TACR1: variants seen among roughly 807,000 people sequenced by gnomAD.
TACR1 encodes substance-P receptor.
In TACR1, 25 loss-of-function variants were observed where a neutral mutation model predicts 35.8. The ratio of observed to expected loss-of-function variants is 0.70; its 90% CI spans 0.51 to 0.98. The LOEUF (loss-of-function observed/expected upper bound fraction) is 0.98, where lower values mean the gene tolerates loss of function less well. TACR1 is among the 50% of genes least tolerant of loss of function. The pLI, the probability that TACR1 is intolerant of heterozygous loss-of-function variation, is 0.00. For missense variants in TACR1, 478 were observed against 522.9 expected (o/e 0.91, Z 0.84); for synonymous variants, 195 against 206.7 (o/e 0.94, Z 0.48).
intron 2 of TACR1, among the ~76,000 whole-genome samples, chr2:75,057,995 A>G (rs916305626): frequency 6.6e-6 from 1 of 152,188 alleles, no homozygotes; most frequent in African/African-American, 2.4e-5. Flanking sequence ...TCCCCCAGGC[A>G]CTTGACAACT....
chr2:75,071,264 CATT>C (rs1257859225), intron 2 of TACR1, among the ~76,000 whole-genome samples: 1 of 152,210 alleles, frequency 6.6e-6, no homozygotes, highest in African/African-American at 2.4e-5. Context: ...GAATTACAAT[CATT>C]ATAGAGGAAA....
intron 2 of TACR1, among the ~76,000 whole-genome samples, chr2:75,098,252 CATT>C (rs1673463885): frequency 6.6e-6 from 1 of 152,120 alleles, no homozygotes; most frequent in Admixed American, 6.5e-5. Flanking sequence ...GTTTTTACAT[CATT>C]GTCATTACCA....
At chr2:75,170,456 A>G (rs1277478947) in intron 1 of TACR1, among the ~76,000 whole-genome samples, 1 of 152,220 alleles carries the variant, frequency 6.6e-6, no homozygotes, top group East Asian at 1.9e-4. Flanking sequence ...AGAACAGACT[A>G]ATACAGTAAA....
intron 1 of TACR1, among the ~76,000 whole-genome samples, chr2:75,191,616 G>A (rs577829851): frequency 1.3e-5 from 2 of 152,310 alleles, no homozygotes; most frequent in East Asian, 3.9e-4. Flanking sequence ...GTAAGTGTGA[G>A]TTAGAAACCA....
rs78113413 is a variant in TACR1 at position 75,120,229 on chromosome 2, C to T, written c.584+345G>A. Among the ~76,000 whole-genome samples the T allele has an allele frequency of 3.6e-3, 546 of 152,168 alleles. 1 individual carries two copies. The highest frequency in any genetic ancestry group is 0.012 in the African/African-American group (516 of 41,502). On this transcript the variant is annotated intron_variant, in intron 2 of 4. Coordinates refer to ENST00000305249, the MANE Select transcript of TACR1 (RefSeq NM_001058.4). The stretch of plus-strand genomic sequence containing the variant: ...CTGCAACCTGTGCAGGAGAGAAGAG[C>T]GGCATTCTGTAGCTTAGGAAAAAGT...
chr2:75,144,703 TAACAAAC>T (rs1674470108), intron 1 of TACR1, among the ~76,000 whole-genome samples: 1 of 152,188 alleles, frequency 6.6e-6, no homozygotes, highest in South Asian at 2.1e-4. Flanking sequence ...TATCCACAAC[TAACAAAC>T]TGATATCAGA....
At chr2:75,148,382 T>C (rs1487692263) in intron 1 of TACR1, among the ~76,000 whole-genome samples, 1 of 152,166 alleles carries the variant, frequency 6.6e-6, no homozygotes, top group Non-Finnish European at 1.5e-5. Flanking sequence ...CCAGCATCTG[T>C]TGTTTCTTGA....
At chr2:75,058,479 A>T (rs1371303361) in intron 2 of TACR1, among the ~76,000 whole-genome samples, 1 of 152,150 alleles carries the variant, frequency 6.6e-6, no homozygotes, top group Non-Finnish European at 1.5e-5. Flanking sequence ...GGGAGAAGAG[A>T]TCTGGGGTTA....
chr2:75,084,105 A>G (rs1673144509), intron 2 of TACR1, among the ~76,000 whole-genome samples: 1 of 152,192 alleles, frequency 6.6e-6, no homozygotes, highest in African/African-American at 2.4e-5. Context: ...TGTCCCATCA[A>G]TACCTAATTT....
intron 2 of TACR1, among the ~76,000 whole-genome samples, chr2:75,079,679 A>C (rs55662027): frequency 6.6e-6 from 1 of 150,896 alleles, no homozygotes; most frequent in Non-Finnish European, 1.5e-5. Context: ...CTCTGTGTTC[A>C]AACTGGATTC....
chr2:75,194,469 A>G (rs1675920195), intron 1 of TACR1, among the ~76,000 whole-genome samples: 1 of 152,182 alleles, frequency 6.6e-6, no homozygotes, highest in East Asian at 1.9e-4. Flanking sequence ...GAGATAAACA[A>G]TGAGATTGCA....
At chr2:75,134,936 A>G (rs556552606) in intron 1 of TACR1, among the ~76,000 whole-genome samples, 1 of 152,320 alleles carries the variant, frequency 6.6e-6, no homozygotes, top group East Asian at 1.9e-4. Context: ...TCTGCTGGTG[A>G]AGTGCTCAGA....
chr2:75,077,721 G>C (rs1673007617), intron 2 of TACR1, among the ~76,000 whole-genome samples: 1 of 152,192 alleles, frequency 6.6e-6, no homozygotes, highest in Non-Finnish European at 1.5e-5. Context: ...CAGCCCTCCT[G>C]TCTTGTACTT....
At chr2:75,117,133 TTGTGTGTGTGTGTGTGTG>T (rs3079167) in intron 2 of TACR1, among the ~76,000 whole-genome samples, 21 of 148,756 alleles carry the variant, frequency 1.4e-4, no homozygotes, top group African/African-American at 4.9e-4. Flanking sequence ...ACTTTGTGGA[TTGTGTGTGTGTGTGTGTG>T]TGTGTGTGTG....
intron 2 of TACR1, among the ~76,000 whole-genome samples, chr2:75,067,302 A>C (rs1466565855): frequency 6.6e-6 from 1 of 152,174 alleles, no homozygotes; most frequent in Non-Finnish European, 1.5e-5. Context: ...ATATATTGTT[A>C]GCAAAGTCAC....
rs531323693 is a variant in TACR1, at chr2:75,140,917, C to T, written c.390-20149G>A. Among the ~76,000 whole-genome samples the T allele has an allele frequency of 3.3e-5, 5 of 152,302 alleles. No homozygotes were observed. The South Asian group carries it at 6.2e-4, about 19-fold the overall frequency. Reference sequence around the variant, plus strand: ...GAAGCCCAAAGCCCTATCCATGATACGTGAGAATTCTTATTGTTTTTCTTT... The same window carrying T: ...GAAGCCCAAAGCCCTATCCATGATATGTGAGAATTCTTATTGTTTTTCTTT... On this transcript the variant is annotated intron_variant, in intron 1 of 4. Transcript: ENST00000305249.
chr2:75,070,843 C>A (rs1431195231), intron 2 of TACR1, among the ~76,000 whole-genome samples: 1 of 152,188 alleles, frequency 6.6e-6, no homozygotes, highest in Non-Finnish European at 1.5e-5. Flanking sequence ...ATTCCATGGG[C>A]TCCATGTCCT....
chr2:75,117,797 G>A (rs60877926), intron 2 of TACR1, among the ~76,000 whole-genome samples: 5,855 of 152,234 alleles, frequency 0.038, 360 homozygotes, highest in African/African-American at 0.13. Flanking sequence ...TTATAATAAA[G>A]TGTTGACTAT....
chr2:75,097,973 G>A (rs1673458142), intron 2 of TACR1, among the ~76,000 whole-genome samples: 1 of 152,218 alleles, frequency 6.6e-6, no homozygotes, highest in Admixed American at 6.5e-5. Context: ...AAAATACAAT[G>A]TGATGTCACT....
Sources: gnomAD v4.1 joint callset for allele counts (sites outside exome capture counted in the v4.1 genomes callset) on GRCh38, gnomAD v4.1.1 for gene constraint, MANE v1.5 for transcripts, NCBI Gene and HGNC (gene_info 2026-07-23, HGNC 2026-07-21) for gene names.